The following METTL15 variants were observed in gnomAD, a reference collection of about 807,000 sequenced individuals.
METTL15 encodes 12S rRNA N(4)-cytidine methyltransferase METTL15.
A neutral mutation model predicts 38.3 loss-of-function variants in METTL15; 34 were observed. The ratio of observed to expected loss-of-function variants is 0.89; its 90% confidence interval spans 0.68 to 1.18. METTL15 has a LOEUF of 1.18. Ranked by LOEUF, METTL15 falls within the 50% of genes most tolerant of loss-of-function variation. METTL15 has a pLI of 0.00. For synonymous variants in METTL15, 162 were observed against 170.9 expected (o/e 0.95, Z 0.41); for missense variants, 438 against 498.4 (o/e 0.88, Z 1.15).
intron 4 of METTL15, among the ~76,000 whole-genome samples, chr11:28,226,810 T>G (rs987261762): frequency 3.3e-5 from 5 of 151,932 alleles, no homozygotes; most frequent in African/African-American, 1.2e-4. Context: ...AAATTTAGAC[T>G]TTTAGGATTA....
chr11:28,300,928 T>C (rs2134008638), intron 6 of METTL15, among the ~76,000 whole-genome samples: 1 of 152,252 alleles, frequency 6.6e-6, no homozygotes, highest in East Asian at 1.9e-4. Context: ...TAATAAATGG[T>C]CATCTAGCTT....
intron 4 of METTL15, among the ~76,000 whole-genome samples, chr11:28,230,967 T>C (rs770522094): frequency 6.6e-6 from 1 of 151,886 alleles, no homozygotes; most frequent in Non-Finnish European, 1.5e-5. Flanking sequence ...GATAGACAAG[T>C]AAACCTCTAT....
At chr11:28,161,737 A>G (rs1283574792) in intron 3 of METTL15, among the ~76,000 whole-genome samples, 1 of 152,164 alleles carries the variant, frequency 6.6e-6, no homozygotes, top group Non-Finnish European at 1.5e-5. Flanking sequence ...ATCTTGAAAA[A>G]AAGGAACATA....
At chr11:28,295,311 A>G (rs1034905090) in intron 5 of METTL15, among the ~76,000 whole-genome samples, 5 of 152,174 alleles carry the variant, frequency 3.3e-5, no homozygotes, top group Admixed American at 6.5e-5. Flanking sequence ...CTTACTCAGT[A>G]TGAGTAGCAG....
At chr11:28,248,332 A>C (rs1449509134) in intron 4 of METTL15, among the ~76,000 whole-genome samples, 1 of 152,072 alleles carries the variant, frequency 6.6e-6, no homozygotes, top group Non-Finnish European at 1.5e-5. Context: ...TATACTTCCT[A>C]GCAAGGAAAG....
chr11:28,294,851 A>G (rs79157089), intron 5 of METTL15, among the ~76,000 whole-genome samples: 5,037 of 152,222 alleles, frequency 0.033, 280 homozygotes, highest in African/African-American at 0.11. Context: ...TTGTCCAATT[A>G]TTTATTTAGA....
At chr11:28,475,921 C>A (rs1383317931) in intron 6 of METTL15, among the ~76,000 whole-genome samples, 1 of 152,142 alleles carries the variant, frequency 6.6e-6, no homozygotes, top group East Asian at 1.9e-4. Flanking sequence ...CAGTGACTGT[C>A]CTCTCCTCCT....
intron 3 of METTL15, among the ~76,000 whole-genome samples, chr11:28,128,138 G>T (rs557213783): frequency 6.6e-6 from 1 of 151,986 alleles, no homozygotes; most frequent in South Asian, 2.1e-4. Flanking sequence ...ATGCTCTGTG[G>T]GCATTTTCAT....
At chr11:28,202,185 G>A (rs916269597) in intron 3 of METTL15, among the ~76,000 whole-genome samples, 1 of 151,886 alleles carries the variant, frequency 6.6e-6, no homozygotes, top group African/African-American at 2.4e-5. Flanking sequence ...CAATAGTAAA[G>A]CATGGGAATA....
intron 6 of METTL15, among the ~76,000 whole-genome samples, chr11:28,470,501 T>C (rs952525378): frequency 1.3e-5 from 2 of 152,122 alleles, no homozygotes; most frequent in African/African-American, 2.4e-5. Context: ...GTGACTGTGA[T>C]GAACAGAGCT....
chr11:28,415,738 A>C (rs1378015389), intron 5 of METTL15, among the ~76,000 whole-genome samples: 1 of 152,192 alleles, frequency 6.6e-6, no homozygotes, highest in Non-Finnish European at 1.5e-5. Flanking sequence ...GCTGATATAG[A>C]CTTAGGTATA....
chr11:28,156,646 C>G (rs1319340479), intron 3 of METTL15, among the ~76,000 whole-genome samples: 1 of 152,118 alleles, frequency 6.6e-6, no homozygotes, highest in Non-Finnish European at 1.5e-5. Context: ...GATAACCAAA[C>G]ATGTGTACAA....
At chr11:28,317,370 G>A (rs1213570518) in intron 6 of METTL15, among the ~76,000 whole-genome samples, 1 of 151,568 alleles carries the variant, frequency 6.6e-6, no homozygotes, top group Non-Finnish European at 1.5e-5. Flanking sequence ...TATATTAAAG[G>A]AGCCCAGGCA....
At chr11:28,446,701 A>G (rs1472758204) in intron 6 of METTL15, among the ~76,000 whole-genome samples, 1 of 152,186 alleles carries the variant, frequency 6.6e-6, no homozygotes, top group Non-Finnish European at 1.5e-5. Flanking sequence ...GGGACATGTT[A>G]TAACATTTTT....
At chr11:28,518,824 G>A (rs1023215077) in intron 6 of METTL15, among the ~76,000 whole-genome samples, 3 of 152,152 alleles carry the variant, frequency 2.0e-5, no homozygotes, top group Admixed American at 6.5e-5. Context: ...CTGAAATATC[G>A]CTGTTAAGTA....
intron 5 of METTL15, among the ~76,000 whole-genome samples, chr11:28,388,864 A>T (rs1850470208): frequency 1.3e-5 from 2 of 151,676 alleles, no homozygotes; most frequent in Admixed American, 1.3e-4. Context: ...CCGGTGTGTG[A>T]TGTTCCCCTT....
At chr11:28,398,297 C>T (rs540226342) in intron 5 of METTL15, among the ~76,000 whole-genome samples, 10 of 151,160 alleles carry the variant, frequency 6.6e-5, no homozygotes, top group African/African-American at 2.4e-4. Context: ...AATTGATAAA[C>T]CATAAAAAGT....
chr11:28,192,581 A>T (rs1851738002), intron 3 of METTL15, among the ~76,000 whole-genome samples: 1 of 151,974 alleles, frequency 6.6e-6, no homozygotes, highest in African/African-American at 2.4e-5. Context: ...TTCTTGGAAG[A>T]TATTTTTGTA....
intron 5 of METTL15, among the ~76,000 whole-genome samples, chr11:28,375,902 T>G (rs1368578397): frequency 6.6e-6 from 1 of 152,020 alleles, no homozygotes; most frequent in African/African-American, 2.4e-5. Context: ...ACATCTTTAT[T>G]TCTGCCTTCA....
Sources: allele counts gnomAD v4.1 joint callset (sites outside exome capture counted in the v4.1 genomes callset), GRCh38; gene constraint gnomAD v4.1.1; transcripts MANE v1.5; gene names NCBI Gene and HGNC (gene_info 2026-07-23, HGNC 2026-07-21).